Variants in NYAP2 observed in about 807,000 individuals in gnomAD.
The protein encoded by NYAP2 is neuronal tyrosine-phosphorylated phosphoinositide-3-kinase adaptor 2.
A neutral mutation model predicts 50.4 loss-of-function variants in NYAP2; 23 were observed. The observed-to-expected ratio is 0.46, with a 90% CI of 0.33 to 0.65. NYAP2 has a LOEUF of 0.65. Among genes scored for constraint, NYAP2 ranks in the 30% least tolerant of loss-of-function variants. NYAP2 has a pLI of 0.02. For missense variants in NYAP2, 885 were observed against 861.0 expected, an observed-to-expected ratio of 1.03 and a Z score of -0.35; for synonymous variants, 394 against 365.2, an observed-to-expected ratio of 1.08 and a Z score of -0.90.
chr2:225,638,268 G>T (rs1693461103), intron 6 of NYAP2, among the ~76,000 whole-genome samples: 1 of 151,442 alleles, frequency 6.6e-6, no homozygotes, highest in Non-Finnish European at 1.5e-5. Context: ...ATAGAAGAGG[G>T]GTGAGAAGTG....
At chr2:225,576,277 C>T (rs545536406) in intron 4 of NYAP2, among the ~76,000 whole-genome samples, 1 of 152,314 alleles carries the variant, frequency 6.6e-6, no homozygotes, top group South Asian at 2.1e-4. Context: ...TCTCTACTTT[C>T]ACTGTCGCCA....
intron 5 of NYAP2, among the ~76,000 whole-genome samples, chr2:225,587,614 CA>C (rs1692411497): frequency 6.6e-6 from 1 of 152,100 alleles, no homozygotes; most frequent in Non-Finnish European, 1.5e-5. Context: ...GGGTGTAGCT[CA>C]ACTCCTAAAT....
chr2:225,463,637 G>C (rs1689869964), intron 3 of NYAP2, among the ~76,000 whole-genome samples: 1 of 152,248 alleles, frequency 6.6e-6, no homozygotes, highest in Non-Finnish European at 1.5e-5. Context: ...TGGATAAATT[G>C]TGCTGTGTGG....
Position 225,582,531 on chromosome 2 carries a change from A to G in NYAP2, c.1114A>G (p.Met372Val). The G allele has an allele frequency of 1.3e-6, 2 of 1,569,112 alleles. No individual in the cohort carries two copies. The highest frequency in any genetic ancestry group is 1.7e-6 in the Non-Finnish European group (2 of 1,157,372). The change falls in exon 5 of 7, where the codon ATG becomes GTG. Residue 372 changes from methionine (M) to valine (V), a missense_variant. By Grantham distance (21) the Met-to-Val change is conservative. Transcript: ENST00000636099. The surrounding 1 kb of genome is among the most constrained non-coding windows in gnomAD (Gnocchi z 7.0). ...TCCCGTGCTGGAAAACGTGTCTTAC[A>G]TGAAACAGCCAGCCGGGGCGTCGCC... is the stretch of plus-strand genomic sequence containing the variant.
At chr2:225,613,585 G>A (rs1692936315) in intron 5 of NYAP2, among the ~76,000 whole-genome samples, 1 of 152,128 alleles carries the variant, frequency 6.6e-6, no homozygotes, top group Non-Finnish European at 1.5e-5. Flanking sequence ...CATTTGTAAG[G>A]AGTCTAGTGC....
At chr2:225,610,504 A>G (rs1291568067) in intron 5 of NYAP2, among the ~76,000 whole-genome samples, 2 of 152,182 alleles carry the variant, frequency 1.3e-5, no homozygotes, top group Admixed American at 6.5e-5. Context: ...AGGGGAGTCA[A>G]AATTCTGTCT....
intron 3 of NYAP2, among the ~76,000 whole-genome samples, chr2:225,490,431 A>G (rs1478032715): frequency 2.0e-5 from 3 of 152,358 alleles, no homozygotes; most frequent in South Asian, 2.1e-4. Flanking sequence ...GAGCATCAGT[A>G]TAAAATGCAT....
Position 225,582,174 on chromosome 2 carries a change from C to A in NYAP2, c.757C>A (p.Leu253Ile). 2.5e-6 allele frequency: 4 copies of A among 1,614,054 alleles called. No individual in the cohort carries two copies. Among genetic ancestry groups the A allele is most frequent in the Non-Finnish European group, 3.4e-6 (4 of 1,179,906 alleles). Reference sequence around the variant, plus strand: ...GTACATCGAGATGGTGGGGAACATTCTCAGAGACTTCAGGAAGGAGGACGA... The same window carrying A: ...GTACATCGAGATGGTGGGGAACATTATCAGAGACTTCAGGAAGGAGGACGA... Residue 253 changes from leucine to isoleucine, a missense_variant, in exon 5 of 7, where the codon CTC (leucine) becomes ATC (isoleucine). Physicochemically the swap from Leu to Ile is conservative, Grantham distance 5. Coordinates refer to ENST00000636099, the Ensembl canonical transcript of NYAP2. This position sits in a 1 kb window ranked among gnomAD's most constrained non-coding sequence, Gnocchi z 7.0.
chr2:225,650,505 G>A (rs1017225117), intron 6 of NYAP2, among the ~76,000 whole-genome samples: 3 of 152,140 alleles, frequency 2.0e-5, no homozygotes, highest in African/African-American at 2.4e-5. Flanking sequence ...ACTGGATGTG[G>A]AGAACCTTAG....
intron 5 of NYAP2, among the ~76,000 whole-genome samples, chr2:225,606,309 TCC>T (rs976304316): frequency 6.6e-6 from 1 of 152,112 alleles, no homozygotes; most frequent in African/African-American, 2.4e-5. Context: ...GCACTTGGTT[TCC>T]AAATTGCTGG....
At chr2:225,439,746 G>C (rs945514309) in intron 3 of NYAP2, among the ~76,000 whole-genome samples, 2 of 152,158 alleles carry the variant, frequency 1.3e-5, no homozygotes, top group Non-Finnish European at 2.9e-5. Context: ...CAGTGTTATA[G>C]TTCATTCTCA....
At chr2:225,408,223 C>G (rs1694973668) in intron 2 of NYAP2, among the ~76,000 whole-genome samples, 1 of 151,828 alleles carries the variant, frequency 6.6e-6, no homozygotes, top group Non-Finnish European at 1.5e-5. Context: ...CTAATGTGGT[C>G]CTAGTGACCT....
the NYAP2 span, among the ~76,000 whole-genome samples, chr2:225,681,462 T>C: frequency 6.6e-6 from 1 of 152,204 alleles, no homozygotes; most frequent in Non-Finnish European, 1.5e-5. Flanking sequence ...ATCTTAGGGC[T>C]TGTGGATGGG....
chr2:225,481,894 T>A (rs548244268), intron 3 of NYAP2, among the ~76,000 whole-genome samples: 1 of 152,064 alleles, frequency 6.6e-6, no homozygotes, highest in Non-Finnish European at 1.5e-5. Flanking sequence ...CCCCTGCAGT[T>A]TGTGATTTAG....
At position 225,545,521 on chromosome 2, in the gene NYAP2, G is replaced by C. The variant is rs140021530; in HGVS notation, c.523+31849G>C. ...CAATTGCATTTTCAACTCCAAAATA[G>C]CTACTTGATTTTTCTTAATTTTTTC... On this transcript the variant is annotated intron_variant, in intron 4 of 6. Coordinates refer to ENST00000636099, the Ensembl canonical transcript of NYAP2. Among the ~76,000 whole-genome samples, 781 of 152,058 alleles carry C rather than the reference G, an allele frequency of 5.1e-3. 10 individuals are homozygous for C. Among genetic ancestry groups the C allele is most frequent in the African/African-American group, 0.018 (750 of 41,492 alleles).
At chr2:225,536,638 G>A (rs1691355794) in intron 4 of NYAP2, among the ~76,000 whole-genome samples, 1 of 151,882 alleles carries the variant, frequency 6.6e-6, no homozygotes, top group African/African-American at 2.4e-5. Context: ...AGGGCAAATG[G>A]GGTCATCACC....
intron 3 of NYAP2, among the ~76,000 whole-genome samples, chr2:225,506,329 G>T (rs1690706292): frequency 6.6e-6 from 1 of 152,176 alleles, no homozygotes; most frequent in African/African-American, 2.4e-5. Flanking sequence ...AAGGCCAATG[G>T]GGCTGGGGAG....
chr2:225,606,235 T>C (rs1294464510), intron 5 of NYAP2, among the ~76,000 whole-genome samples: 1 of 152,096 alleles, frequency 6.6e-6, no homozygotes, highest in African/African-American at 2.4e-5. Flanking sequence ...TGTACAATGT[T>C]GTGGCTGTGC....
At chr2:225,702,397 ATGT>A in the NYAP2 span, 2 of 151,756 alleles carry the variant, frequency 1.3e-5, no homozygotes, top group Non-Finnish European at 3.0e-5. Flanking sequence ...ATTGAAAAAG[ATGT>A]TGTCCCATCC....
Sources: gnomAD v4.1 joint callset for allele counts (sites outside exome capture counted in the v4.1 genomes callset) on GRCh38, gnomAD v4.1.1 for gene constraint, Gnocchi (gnomAD v3.1) non-coding constraint, MANE v1.5 for transcripts, NCBI Gene and HGNC (gene_info 2026-07-23, HGNC 2026-07-21) for gene names.